The following RNF216 variants were observed in gnomAD, a reference collection of about 807,000 sequenced individuals.
The protein encoded by RNF216 is E3 ubiquitin-protein ligase RNF216.
In RNF216, 72 loss-of-function variants were observed where a neutral mutation model predicts 110.8. That is an observed-to-expected ratio of 0.65 (90% CI 0.54 to 0.79). The LOEUF (loss-of-function observed/expected upper bound fraction) is 0.79. Ranked by LOEUF, RNF216 falls within the 30% of genes least tolerant of loss-of-function variation. The pLI is 0.00. For synonymous variants in RNF216, 495 were observed against 407.5 expected, an observed-to-expected ratio of 1.21 and a Z score of -2.59; for missense variants, 1,342 against 1,141.2, an observed-to-expected ratio of 1.18 and a Z score of -2.54.
At position 5,683,262 on chromosome 7, in the gene RNF216, T is replaced by TA. The variant is rs200768498; in HGVS notation, c.2061+28498dup. ...GCTCCTGGCCTCTTTGTTTATTCAT[T>TA]AAAAAAAAAGGGGAAACAAAAGACC... is the stretch of plus-strand genomic sequence containing the variant. On this transcript the variant is annotated intron_variant, in intron 13 of 16. Transcript: ENST00000389902. Among the ~76,000 whole-genome samples, 584 of 150,434 alleles carry TA rather than the reference T, an allele frequency of 3.9e-3. 2 individuals carry two copies. The highest frequency in any genetic ancestry group is 0.013 in the African/African-American group (554 of 41,106).
intron 13 of RNF216, among the ~76,000 whole-genome samples, chr7:5,681,820 A>C (rs376231270): frequency 2.6e-5 from 4 of 152,228 alleles, no homozygotes; most frequent in Non-Finnish European, 5.9e-5. Flanking sequence ...CATAAACGGG[A>C]AACACCCAGA....
chr7:5,690,103 C>CG (rs1243439970), intron 13 of RNF216, among the ~76,000 whole-genome samples: 8 of 151,790 alleles, frequency 5.3e-5, no homozygotes, highest in African/African-American at 1.9e-4. Context: ...CTTAGGCGGG[C>CG]GGATCACCTG....
chr7:5,740,009 A>AC (rs1488809631), intron 4 of RNF216, among the ~76,000 whole-genome samples: 2 of 150,666 alleles, frequency 1.3e-5, no homozygotes, highest in African/African-American at 4.9e-5. Flanking sequence ...TCTCAAAAAA[A>AC]AAACAAACCA....
chr7:5,750,091 A>G (rs1436448216), intron 3 of RNF216, among the ~76,000 whole-genome samples: 1 of 152,222 alleles, frequency 6.6e-6, no homozygotes, highest in Non-Finnish European at 1.5e-5. Flanking sequence ...TGGCAATATC[A>G]TTATTTGCAT....
intron 11 of RNF216, chr7:5,713,315 A>G: frequency 6.4e-6 from 1 of 155,236 alleles, no homozygotes; most frequent in Non-Finnish European, 1.4e-5. Flanking sequence ...CCGCTTCAGA[A>G]GGAATTGGCT....
chr7:5,762,167 AGT>A (rs1168285173), intron 1 of RNF216, among the ~76,000 whole-genome samples: 10 of 152,224 alleles, frequency 6.6e-5, no homozygotes, highest in Admixed American at 5.2e-4. Flanking sequence ...AATGAAAATA[AGT>A]GTGATACCAT....
chr7:5,623,926 T>C (rs951146402), intron 16 of RNF216, 130 bp downstream of exon 16: 57 of 724,900 alleles, frequency 7.9e-5, no homozygotes, highest in Non-Finnish European at 1.1e-4. Flanking sequence ...GTCAGGTCTA[T>C]AGCCACCTGA....
intron 1 of RNF216, among the ~76,000 whole-genome samples, chr7:5,766,052 GGT>G (rs1311705977): frequency 6.6e-6 from 1 of 151,894 alleles, no homozygotes; most frequent in African/African-American, 2.4e-5. Context: ...GGGAGACCAA[GGT>G]GGGAGAATCA....
At chr7:5,744,184 C>T (rs767404334) in intron 3 of RNF216, among the ~76,000 whole-genome samples, 12 of 152,096 alleles carry the variant, frequency 7.9e-5, no homozygotes, top group South Asian at 4.1e-4. Flanking sequence ...AAGAATCGAA[C>T]GCAAATTCCA....
intron 13 of RNF216, among the ~76,000 whole-genome samples, chr7:5,654,561 A>C (rs1788610085): frequency 6.6e-6 from 1 of 151,680 alleles, no homozygotes; most frequent in African/African-American, 2.4e-5. Context: ...GTAGCTGGTG[A>C]CTGTAATCCC....
chr7:5,735,941 A>G (rs1794370729), intron 5 of RNF216, among the ~76,000 whole-genome samples: 1 of 152,098 alleles, frequency 6.6e-6, no homozygotes, highest in Admixed American at 6.5e-5. Flanking sequence ...AAAAACACAA[A>G]AATTAGCCAG....
chr7:5,654,072 G>T (rs182336630), intron 13 of RNF216, among the ~76,000 whole-genome samples: 1 of 152,284 alleles, frequency 6.6e-6, no homozygotes, highest in East Asian at 1.9e-4. Flanking sequence ...ATCATTCTGG[G>T]TGGAAAACAC....
At chr7:5,623,298 C>T (rs1434842989) in intron 16 of RNF216, 119 bp from the exon 17 acceptor site, 1 of 824,670 alleles carries the variant, frequency 1.2e-6, no homozygotes. Flanking sequence ...GATCAAAGCA[C>T]AAAACGTGGA....
intron 13 of RNF216, among the ~76,000 whole-genome samples, chr7:5,671,843 C>A: frequency 7.2e-6 from 1 of 139,360 alleles, no homozygotes; most frequent in African/African-American, 2.7e-5. Context: ...CAGAGAGAGA[C>A]ACCAGAGGAG....
At chr7:5,730,947 G>A in intron 5 of RNF216, 130 bp from the exon 6 acceptor site, 2 of 1,355,966 alleles carry the variant, frequency 1.5e-6, no homozygotes, top group Non-Finnish European at 2.0e-6. Flanking sequence ...AAATTAAGAT[G>A]TTTGTAGCCC....
intron 13 of RNF216, among the ~76,000 whole-genome samples, chr7:5,652,740 C>T (rs983820791): frequency 3.3e-5 from 5 of 152,044 alleles, no homozygotes; most frequent in Non-Finnish European, 7.4e-5. Context: ...AAGGCTGTGG[C>T]AGGCCAGGAG....
chr7:5,657,944 CGAA>C (rs1213953093), intron 13 of RNF216, among the ~76,000 whole-genome samples: 1 of 152,136 alleles, frequency 6.6e-6, no homozygotes, highest in Non-Finnish European at 1.5e-5. Context: ...ACATAACAGC[CGAA>C]GAAGGCTTGG....
chr7:5,740,104 CTTTTTTTTTTTTTTTTTT>C (rs71004698), intron 4 of RNF216, among the ~76,000 whole-genome samples: 31 of 118,484 alleles, frequency 2.6e-4, no homozygotes, highest in African/African-American at 9.3e-4. Flanking sequence ...GATGTAACAC[CTTTTTTTTTTTTTTTTTT>C]TTTTTTTTTT....
chr7:5,682,057 G>T (rs1325815183), intron 13 of RNF216, among the ~76,000 whole-genome samples: 2 of 152,172 alleles, frequency 1.3e-5, no homozygotes, highest in Admixed American at 6.5e-5. Flanking sequence ...TCTCAGGGTG[G>T]GGATGATGGA....
Sources: gnomAD v4.1 joint callset for allele counts (sites outside exome capture counted in the v4.1 genomes callset) on GRCh38, gnomAD v4.1.1 for gene constraint, MANE v1.5 for transcripts, NCBI Gene and HGNC (gene_info 2026-07-23, HGNC 2026-07-21) for gene names.